PLD5: variants seen among roughly 807,000 people sequenced by gnomAD.
PLD5 encodes inactive phospholipase D5.
In PLD5, 36 loss-of-function variants were observed where a neutral mutation model predicts 61.1. The ratio of observed to expected loss-of-function variants is 0.59; its 90% CI spans 0.45 to 0.78. The LOEUF (loss-of-function observed/expected upper bound fraction) is 0.78. Among genes scored for constraint, PLD5 ranks in the 30% least tolerant of loss-of-function variants. The probability of loss-of-function intolerance (pLI) is 0.00; values close to 1 mark genes in which losing one functional copy is unlikely to be tolerated. For missense variants in PLD5, 515 were observed against 644.4 expected (o/e 0.80, Z 2.17); for synonymous variants, 243 against 242.8 (o/e 1.00, Z -0.01).
intron 3 of PLD5, among the ~76,000 whole-genome samples, chr1:242,280,191 A>C (rs1674643298): frequency 6.6e-6 from 1 of 152,222 alleles, no homozygotes; most frequent in Non-Finnish European, 1.5e-5. Flanking sequence ...GGAACACTGA[A>C]GATCAGATGA....
intron 2 of PLD5, among the ~76,000 whole-genome samples, chr1:242,341,094 GA>G (rs1396200253): frequency 2.0e-5 from 3 of 152,062 alleles, no homozygotes; most frequent in African/African-American, 4.8e-5. Flanking sequence ...AATAGCACTA[GA>G]AAAGCTTGCT....
intron 1 of PLD5, among the ~76,000 whole-genome samples, chr1:242,369,499 C>T (rs1661517350): frequency 6.6e-6 from 1 of 152,090 alleles, no homozygotes; most frequent in Admixed American, 6.5e-5. Flanking sequence ...TCCTACAATA[C>T]AGTGATTCTA....
chr1:242,340,850 G>A (rs969653147), intron 2 of PLD5, among the ~76,000 whole-genome samples: 3 of 152,074 alleles, frequency 2.0e-5, no homozygotes, highest in Non-Finnish European at 4.4e-5. Flanking sequence ...AGGAGGGAGG[G>A]AGAAGTACTA....
Position 242,358,903 on chromosome 1 carries a change from G to T in PLD5, c.190-10661C>A, listed in dbSNP as rs540788750. Among the ~76,000 whole-genome samples the T allele has an allele frequency of 1.2e-3, 182 of 152,216 alleles. 1 individual carries two copies. The highest frequency in any genetic ancestry group is 4.2e-3 in the African/African-American group (173 of 41,536). On this transcript the variant is annotated intron_variant, in intron 1 of 9. Transcript: ENST00000536534. ...ATGGCAGATCTAGTGTCTACTTGTT[G>T]TGGAAATTCACCACCAGTGGGTAGG...
At chr1:242,381,659 C>T (rs921784366) in intron 1 of PLD5, among the ~76,000 whole-genome samples, 2 of 152,162 alleles carry the variant, frequency 1.3e-5, no homozygotes, top group African/African-American at 4.8e-5. Context: ...AAATTCTCTT[C>T]ACTGATAGTA....
At position 242,321,787 on chromosome 1, in the gene PLD5, G is replaced by A. The variant is rs189962329; in HGVS notation, c.326+26319C>T. On this transcript the variant is annotated intron_variant, in intron 2 of 9. Coordinates refer to ENST00000536534, the MANE Select transcript of PLD5 (RefSeq NM_001372062.1). ...TAATCACTCTGTGATTCTCCCTTGT[G>A]TGCACGTTTATAAATGTTTACTCCT... Among the ~76,000 whole-genome samples the A allele has an allele frequency of 2.6e-5, 4 of 152,238 alleles. No homozygotes were observed. In the East Asian group the frequency reaches 5.8e-4, roughly 22 times the overall value.
At chr1:242,425,471 G>A (rs1665368227) in intron 1 of PLD5, among the ~76,000 whole-genome samples, 4 of 152,136 alleles carry the variant, frequency 2.6e-5, no homozygotes, top group Admixed American at 6.5e-5. Flanking sequence ...TTGCAGGACC[G>A]GAAGTTGCTC....
intron 2 of PLD5, among the ~76,000 whole-genome samples, chr1:242,308,229 T>C (rs1033744306): frequency 2.0e-5 from 3 of 152,084 alleles, no homozygotes; most frequent in Non-Finnish European, 4.4e-5. Context: ...ACAACTAGTC[T>C]ATGAAAAACT....
intron 1 of PLD5, among the ~76,000 whole-genome samples, chr1:242,479,243 C>T (rs1207599282): frequency 6.6e-6 from 1 of 152,174 alleles, no homozygotes; most frequent in Admixed American, 6.5e-5. Flanking sequence ...GAGAGGTAAA[C>T]TTTCCTGATG....
intron 1 of PLD5, among the ~76,000 whole-genome samples, chr1:242,404,741 TCACA>T (rs1270549310): frequency 6.6e-6 from 1 of 151,436 alleles, no homozygotes; most frequent in African/African-American, 2.4e-5. Flanking sequence ...CCACATACAC[TCACA>T]CACACACTCT....
At chr1:242,242,952 T>C (rs1672151730) in intron 4 of PLD5, among the ~76,000 whole-genome samples, 1 of 152,238 alleles carries the variant, frequency 6.6e-6, no homozygotes, top group Non-Finnish European at 1.5e-5. Flanking sequence ...GTGCCTCACC[T>C]CTCTCTCCTT....
At position 242,088,186 on chromosome 1, in the gene PLD5, C is replaced by T. The variant is rs926887405; in HGVS notation, c.*1668G>A. The T allele has an allele frequency of 5.3e-5, 8 of 152,262 alleles. No homozygotes were observed. The highest frequency in any genetic ancestry group is 1.9e-4 in the African/African-American group (8 of 41,556). The allele number at this position is 152,262 out of a possible 1,614,324, so 9.4% of individuals were successfully genotyped here. A position where few individuals can be genotyped will look rare whatever the true frequency, so the allele number is the denominator to read the frequency against. ...CTGAAAATACATGTATATTATGGTCCTGAAGAACCAGCTCTAGCACGACGT... is the reference window on the plus strand; with the variant it reads ...CTGAAAATACATGTATATTATGGTCTTGAAGAACCAGCTCTAGCACGACGT... On this transcript the variant is annotated 3_prime_UTR_variant, in exon 10 of 10. Coordinates refer to ENST00000536534, the MANE Select transcript of PLD5 (RefSeq NM_001372062.1).
At chr1:242,286,018 A>G (rs1244565791) in intron 3 of PLD5, among the ~76,000 whole-genome samples, 4 of 152,140 alleles carry the variant, frequency 2.6e-5, no homozygotes, top group African/African-American at 9.7e-5. Context: ...CTGAGACAGG[A>G]GAATTGCTTG....
At chr1:242,528,690 A>G (rs998569609), upstream of PLD5, among the ~76,000 whole-genome samples, 1 of 152,164 alleles carries the variant, frequency 6.6e-6, no homozygotes, top group Non-Finnish European at 1.5e-5. Flanking sequence ...TATCAGTTCC[A>G]TCTTTCGAAA....
chr1:242,473,925 C>T (rs1572208535), intron 1 of PLD5, among the ~76,000 whole-genome samples: 1 of 152,066 alleles, frequency 6.6e-6, no homozygotes, highest in Non-Finnish European at 1.5e-5. Flanking sequence ...TCAATGGGAA[C>T]ATTCCATTAC....
At chr1:242,334,048 C>A (rs1659355579) in intron 2 of PLD5, among the ~76,000 whole-genome samples, 1 of 152,114 alleles carries the variant, frequency 6.6e-6, no homozygotes, top group African/African-American at 2.4e-5. Context: ...TGGTAGAGAA[C>A]TATATGTTTT....
chr1:242,204,696 C>A lies in PLD5; in HGVS notation c.735+15292G>T, dbSNP rs909537661. Among the ~76,000 whole-genome samples, 4 of 152,068 alleles carry A rather than the reference C, an allele frequency of 2.6e-5. No homozygotes were observed. The East Asian group carries it at 7.7e-4, about 29-fold the overall frequency. On this transcript the variant is annotated intron_variant, in intron 5 of 9. Transcript: ENST00000536534. ...AGGTCTGTTTTAGCCTCCCATTTGG[C>A]CCCCCTAACAATTGCAGGGGGTCGG... is the stretch of plus-strand genomic sequence containing the variant.
At chr1:242,332,658 CA>C (rs1472347930) in intron 2 of PLD5, among the ~76,000 whole-genome samples, 1 of 152,040 alleles carries the variant, frequency 6.6e-6, no homozygotes, top group Non-Finnish European at 1.5e-5. Context: ...CAAAACATAA[CA>C]ATACAAAAGG....
chr1:242,246,080 G>A (rs964688913), intron 4 of PLD5, among the ~76,000 whole-genome samples: 7 of 152,148 alleles, frequency 4.6e-5, no homozygotes, highest in African/African-American at 1.4e-4. Flanking sequence ...GGAGACTGAA[G>A]TTTCAAGAGG....
Sources: allele counts gnomAD v4.1 joint callset (sites outside exome capture counted in the v4.1 genomes callset), GRCh38; gene constraint gnomAD v4.1.1; transcripts MANE v1.5; gene names NCBI Gene and HGNC (gene_info 2026-07-23, HGNC 2026-07-21).